DLGAP2: variants seen among roughly 807,000 people sequenced by gnomAD.
The protein encoded by DLGAP2 is DLG associated protein 2, also known as disks large-associated protein 2.
Under a neutral mutation model 100.3 loss-of-function variants are expected in DLGAP2, and 26 were observed. The ratio of observed to expected loss-of-function variants is 0.26; its 90% confidence interval spans 0.19 to 0.36. The LOEUF (loss-of-function observed/expected upper bound fraction) is 0.36, where lower values mean the gene tolerates loss of function less well. Among genes scored for constraint, DLGAP2 ranks in the 10% least tolerant of loss-of-function variants. The probability of loss-of-function intolerance (pLI) is 1.00; values close to 1 mark genes in which losing one functional copy is unlikely to be tolerated. For missense variants in DLGAP2, 1,858 were observed against 1,453.2 expected (o/e 1.28, Z -4.53); for synonymous variants, 886 against 630.1 (o/e 1.41, Z -6.08).
chr8:1,664,293 A>G (rs973428373), intron 8 of DLGAP2, among the ~76,000 whole-genome samples: 3 of 152,124 alleles, frequency 2.0e-5, no homozygotes, highest in Non-Finnish European at 2.9e-5. Flanking sequence ...GGGTACATCT[A>G]GGCACAGGCT....
chr8:1,049,098 A>G (rs1329102799), intron 2 of DLGAP2, among the ~76,000 whole-genome samples: 2 of 152,194 alleles, frequency 1.3e-5, no homozygotes, highest in Non-Finnish European at 2.9e-5. Context: ...TGCAAAATAC[A>G]TGGGAGGGGA....
At chr8:1,433,986 G>T (rs1004595002) in intron 3 of DLGAP2, among the ~76,000 whole-genome samples, 5 of 152,114 alleles carry the variant, frequency 3.3e-5, no homozygotes, top group Non-Finnish European at 4.4e-5. Flanking sequence ...TTATTGGAGA[G>T]AAAGAAGGGA....
chr8:1,320,641 G>A (rs967658648), intron 3 of DLGAP2, among the ~76,000 whole-genome samples: 12 of 152,192 alleles, frequency 7.9e-5, no homozygotes, highest in African/African-American at 2.9e-4. Context: ...GGGACTAATT[G>A]CAGGTGTCCC....
At chr8:1,348,927 G>A (rs937421300) in intron 3 of DLGAP2, among the ~76,000 whole-genome samples, 2 of 152,230 alleles carry the variant, frequency 1.3e-5, no homozygotes, top group East Asian at 1.9e-4. Context: ...ATGTGACCTG[G>A]ATTATATTGA....
intron 2 of DLGAP2, among the ~76,000 whole-genome samples, chr8:968,047 T>TG (rs1286505674): frequency 2.0e-5 from 3 of 151,344 alleles, no homozygotes; most frequent in African/African-American, 7.3e-5. Flanking sequence ...CTGACACAGA[T>TG]GCACACACAT....
rs556326734 is a variant in DLGAP2, at chr8:1,561,812, C to T, written c.1231-3871C>T. On this transcript the variant is annotated intron_variant, in intron 5 of 14. Coordinates refer to ENST00000637795, the MANE Select transcript of DLGAP2 (RefSeq NM_001346810.2). ...GTGTGGTGTTGGGGTGTCTGCACCT[C>T]GTTACTGGGGGACTGTGTGGTGTTG... Among the ~76,000 whole-genome samples the T allele has an allele frequency of 4.9e-3, 139 of 28,116 alleles. 24 individuals carry two copies. The highest frequency in any genetic ancestry group is 0.024 in the African/African-American group (130 of 5,512). The allele number at this position is 28,116 out of a possible 152,430, so 18.4% of individuals were successfully genotyped here. A position where few individuals can be genotyped will look rare whatever the true frequency, so the allele number is the denominator to read the frequency against.
chr8:1,321,241 G>A (rs749636947), intron 3 of DLGAP2, among the ~76,000 whole-genome samples: 1 of 151,078 alleles, frequency 6.6e-6, no homozygotes, highest in Non-Finnish European at 1.5e-5. Flanking sequence ...CTGTGTCTCT[G>A]CATGTGCACG....
At chr8:1,482,469 G>A (rs1258072577) in intron 3 of DLGAP2, among the ~76,000 whole-genome samples, 3 of 152,246 alleles carry the variant, frequency 2.0e-5, no homozygotes, top group South Asian at 2.1e-4. Flanking sequence ...ATCACAGAAT[G>A]TATGGAACGT....
intron 3 of DLGAP2, among the ~76,000 whole-genome samples, chr8:1,444,063 A>G (rs1390872133): frequency 6.6e-6 from 1 of 152,004 alleles, no homozygotes; most frequent in Non-Finnish European, 1.5e-5. Context: ...GGAGGAAAAA[A>G]ACCATGCTCT....
At chr8:827,907 A>G (rs1420158129) in intron 1 of DLGAP2, among the ~76,000 whole-genome samples, 1 of 152,138 alleles carries the variant, frequency 6.6e-6, no homozygotes, top group Admixed American at 6.6e-5. Context: ...CAAAAGAGAG[A>G]AATTTTAAAG....
intron 9 of DLGAP2, among the ~76,000 whole-genome samples, 181 bp downstream of exon 9, chr8:1,668,859 G>A (rs1366042290): frequency 1.3e-5 from 2 of 152,206 alleles, no homozygotes; most frequent in Non-Finnish European, 1.5e-5. Context: ...GCAGTGAGTA[G>A]GTGGGAGACC....
At chr8:1,577,807 C>T (rs911442759) in intron 6 of DLGAP2, among the ~76,000 whole-genome samples, 2 of 152,066 alleles carry the variant, frequency 1.3e-5, no homozygotes, top group Non-Finnish European at 2.9e-5. Context: ...TGCTGGGGAA[C>T]GGGCAGCACT....
intron 3 of DLGAP2, among the ~76,000 whole-genome samples, chr8:1,315,460 T>G (rs1489396194): frequency 7.1e-6 from 1 of 140,470 alleles, no homozygotes; most frequent in Non-Finnish European, 1.5e-5. Flanking sequence ...CCAACAGTGG[T>G]CTACACTCGA....
intron 2 of DLGAP2, among the ~76,000 whole-genome samples, chr8:1,135,914 T>C (rs1796400937): frequency 6.6e-6 from 1 of 152,230 alleles, no homozygotes; most frequent in Admixed American, 6.5e-5. Flanking sequence ...CAATCATTTT[T>C]CGAAGTTAAG....
At chr8:1,102,294 A>T (rs1804610770) in intron 2 of DLGAP2, among the ~76,000 whole-genome samples, 1 of 147,696 alleles carries the variant, frequency 6.8e-6, no homozygotes, top group Non-Finnish European at 1.5e-5. Context: ...TATAAAAATT[A>T]CATGTAATAT....
chr8:1,452,049 G>A (rs1798175384), intron 3 of DLGAP2, among the ~76,000 whole-genome samples: 1 of 152,380 alleles, frequency 6.6e-6, no homozygotes, highest in East Asian at 1.9e-4. Context: ...ACACAACCGA[G>A]GCATCCGGAT....
intron 5 of DLGAP2, among the ~76,000 whole-genome samples, chr8:1,561,053 TG>T (rs1460993810): frequency 2.6e-5 from 4 of 152,048 alleles, no homozygotes; most frequent in Non-Finnish European, 5.9e-5. Flanking sequence ...AATCATGGGG[TG>T]GGTCTTTCCT....
rs1023844859 is a variant in DLGAP2, at chr8:1,452,042, C to G, written c.107-49324C>G. Among the ~76,000 whole-genome samples, 40 of 152,382 alleles carry G rather than the reference C, an allele frequency of 2.6e-4. 1 individual carries two copies. The highest frequency in any genetic ancestry group is 9.4e-4 in the African/African-American group (39 of 41,594). ...CCGATGTCCCATCCTGGGCAGCACA[C>G]AACCGAGGCATCCGGATCTGAGCCA... is the stretch of plus-strand genomic sequence containing the variant. On this transcript the variant is annotated intron_variant, in intron 3 of 14. Transcript: ENST00000637795.
intron 3 of DLGAP2, among the ~76,000 whole-genome samples, chr8:1,410,111 C>T (rs114216986): frequency 1.4e-4 from 21 of 152,284 alleles, no homozygotes; most frequent in African/African-American, 4.3e-4. Context: ...GAATGCCAGA[C>T]GCTGACACCA....
Sources: gnomAD v4.1 joint callset for allele counts (sites outside exome capture counted in the v4.1 genomes callset) on GRCh38, gnomAD v4.1.1 for gene constraint, MANE v1.5 for transcripts, NCBI Gene and HGNC (gene_info 2026-07-23, HGNC 2026-07-21) for gene names.